IRS1: variants seen among roughly 807,000 people sequenced by gnomAD.
IRS1 encodes the protein insulin receptor substrate 1.
Under a neutral mutation model 65.6 loss-of-function variants are expected in IRS1, and 34 were observed. That is an observed-to-expected ratio of 0.52 (90% CI 0.39 to 0.69). The LOEUF (loss-of-function observed/expected upper bound fraction) is 0.69, where lower values mean the gene tolerates loss of function less well. Ranked by LOEUF, IRS1 falls within the 30% of genes least tolerant of loss-of-function variation. The pLI is 0.00. For synonymous variants in IRS1, 699 were observed against 683.5 expected (o/e 1.02, Z -0.35); for missense variants, 1,641 against 1,720.2 (o/e 0.95, Z 0.81).
chr2:226,783,324 T>C (rs771440827), intron 1 of IRS1, among the ~76,000 whole-genome samples: 3 of 152,248 alleles, frequency 2.0e-5, no homozygotes, highest in Non-Finnish European at 4.4e-5. Flanking sequence ...CATTATGTAT[T>C]TTCTGAAATC....
chr2:226,799,246 A>G lies in IRS1; in HGVS notation c.-508T>C. ...GGGGGAGGCGGGTTGCCAAGTCCCA[A>G]CGTTGCACGGGGTTCTCCCTCCTCC... On this transcript the variant is annotated 5_prime_UTR_variant, in exon 1 of 2. Transcript: ENST00000305123. This position sits in a 1 kb window ranked among gnomAD's most constrained non-coding sequence, Gnocchi z 6.1. The G allele has an allele frequency of 8.9e-7, 1 of 1,128,092 alleles. No individual in the cohort carries two copies. Among genetic ancestry groups the G allele is most frequent in the Non-Finnish European group, 1.1e-6 (1 of 903,038 alleles). The allele number at this position is 1,128,092 out of a possible 1,614,324, so 69.9% of individuals were successfully genotyped here. A position where few individuals can be genotyped will look rare whatever the true frequency, so the allele number is the denominator to read the frequency against.
intron 1 of IRS1, among the ~76,000 whole-genome samples, chr2:226,782,219 T>G (rs1263627108): frequency 6.6e-6 from 1 of 152,130 alleles, no homozygotes; most frequent in Non-Finnish European, 1.5e-5. Context: ...CTCTCCCTCT[T>G]GGCTCCCCTC....
intron 1 of IRS1, among the ~76,000 whole-genome samples, chr2:226,781,012 CA>C (rs910250471): frequency 1.3e-5 from 2 of 152,164 alleles, no homozygotes; most frequent in Admixed American, 1.3e-4. Context: ...AGCCTACTCT[CA>C]AATAGCTCAC....
Position 226,797,456 on chromosome 2 carries a change from G to C in IRS1, c.1283C>G (p.Ser428Trp), listed in dbSNP as rs770740222. Reference protein sequence around the residue: ...GSPSDGGFISSDEYGSSPCDF... With the variant: ...GSPSDGGFISWDEYGSSPCDF... ...GCAGGGACTGGAGCCATACTCATCC[G>C]AGGAGATGAAACCGCCATCGCTGGG... Residue 428 changes from serine (S) to tryptophan (W), a missense_variant, in exon 1 of 2, where the codon TCG (serine) becomes TGG (tryptophan). Ser to Trp is a radical substitution (Grantham distance 177, BLOSUM62 -3). This residue lies in a region of IRS1 where 1,324 missense variants were observed against 1,361.0 expected (regional missense o/e 0.97). Coordinates refer to ENST00000305123, the MANE Select transcript of IRS1 (RefSeq NM_005544.3). The surrounding 1 kb of genome is among the most constrained non-coding windows in gnomAD (Gnocchi z 8.1). 3.1e-6 allele frequency: 5 copies of C among 1,613,606 alleles called. No homozygotes were observed. The highest frequency in any genetic ancestry group is 3.4e-6 in the Non-Finnish European group (4 of 1,179,958).
rs145050860 is a variant in IRS1 at position 226,795,499 on chromosome 2, G to A, written c.3240C>T (p.Asn1080=). The change falls in exon 1 of 2, where the codon AAC becomes AAT. Residue 1080 remains asparagine, a synonymous_variant. Coordinates refer to ENST00000305123, the MANE Select transcript of IRS1 (RefSeq NM_005544.3). ...GGATCACTTTGGCACTCTGGTTGCG[G>A]TTAGGACTGAGGTTCACCCGGGTGA... ...SAFTRVNLSP[N]RNQSAKVIRA... is the part of the protein sequence containing the mutation. 1.9e-5 allele frequency: 31 copies of A among 1,613,496 alleles called. No individual in the cohort carries two copies. The highest frequency in any genetic ancestry group is 2.4e-5 in the Non-Finnish European group (28 of 1,180,018).
chr2:226,774,721 A>G (rs968299061), intron 1 of IRS1, among the ~76,000 whole-genome samples: 1 of 152,206 alleles, frequency 6.6e-6, no homozygotes, highest in Non-Finnish European at 1.5e-5. Context: ...AGGTAAATAA[A>G]CTATGTTTCA....
rs1938238822 is a variant in IRS1 at position 226,732,462 on chromosome 2, A to G, written c.*3810T>C. ...TTCCTCTCAAGTTTCTCACAAGCCT[A>G]TACATCTATATATATATATATATAT... On this transcript the variant is annotated 3_prime_UTR_variant, in exon 2 of 2. Transcript: ENST00000305123. 7.1e-6 allele frequency: 1 copy of G among 141,358 alleles called. No homozygotes were observed. The highest frequency in any genetic ancestry group is 1.5e-5 in the Non-Finnish European group (1 of 66,990). 8.8% of individuals were successfully genotyped at this position (141,358 alleles called of 1,614,324 possible). A position where few individuals can be genotyped will look rare whatever the true frequency, so the allele number is the denominator to read the frequency against.
chr2:226,744,405 C>T (rs1386024596), intron 1 of IRS1, among the ~76,000 whole-genome samples: 1 of 152,192 alleles, frequency 6.6e-6, no homozygotes, highest in African/African-American at 2.4e-5. Flanking sequence ...TAACAGAGGA[C>T]AATGCCACTC....
At position 226,798,708 on chromosome 2, in the gene IRS1, A is replaced by T; in HGVS notation, c.31T>A (p.Ser11Thr). The T allele has an allele frequency of 6.2e-7, 1 of 1,612,712 alleles. No individual in the cohort carries two copies. The highest frequency in any genetic ancestry group is 8.5e-7 in the Non-Finnish European group (1 of 1,179,810). The change falls in exon 1 of 2, where the codon TCG becomes ACG. Residue 11 changes from serine (S) to threonine (T), a missense_variant. Coordinates refer to ENST00000305123, the MANE Select transcript of IRS1 (RefSeq NM_005544.3). This position sits in a 1 kb window ranked among gnomAD's most constrained non-coding sequence, Gnocchi z 9.4. Reference protein sequence around the residue: MASPPESDGFSDVRKVGYLRK... With the variant: MASPPESDGFTDVRKVGYLRK... Reference sequence around the variant, plus strand: ...AGGTAGCCCACCTTGCGCACGTCCGAGAAGCCATCGCTCTCCGGAGGGCTC... The same window carrying T: ...AGGTAGCCCACCTTGCGCACGTCCGTGAAGCCATCGCTCTCCGGAGGGCTC...
chr2:226,748,412 G>C (rs1007150610), intron 1 of IRS1, among the ~76,000 whole-genome samples: 5 of 128,718 alleles, frequency 3.9e-5, no homozygotes, highest in Non-Finnish European at 6.3e-5. Flanking sequence ...CTGGGAAACA[G>C]AGCGAGACTC....
intron 1 of IRS1, among the ~76,000 whole-genome samples, chr2:226,743,204 A>G (rs1938474619): frequency 6.6e-6 from 1 of 151,694 alleles, no homozygotes; most frequent in Non-Finnish European, 1.5e-5. Flanking sequence ...TTCAAGTCAG[A>G]CCACACGTAC....
At chr2:226,770,107 T>C (rs780118185) in intron 1 of IRS1, among the ~76,000 whole-genome samples, 47 of 152,182 alleles carry the variant, frequency 3.1e-4, no homozygotes, top group Middle Eastern at 3.2e-3. Flanking sequence ...AGGCAATTGA[T>C]TACCAGTGTT....
chr2:226,772,806 C>A (rs1212636714), intron 1 of IRS1, among the ~76,000 whole-genome samples: 1 of 151,976 alleles, frequency 6.6e-6, no homozygotes, highest in Admixed American at 6.5e-5. Flanking sequence ...ACACAGGAAG[C>A]AGTAAGTTAC....
intron 1 of IRS1, among the ~76,000 whole-genome samples, chr2:226,770,193 C>T (rs1033493993): frequency 6.6e-6 from 1 of 152,192 alleles, no homozygotes; most frequent in Non-Finnish European, 1.5e-5. Context: ...AACAAGCTAC[C>T]TTTTAAAGCC....
chr2:226,741,604 A>C, intron 1 of IRS1, among the ~76,000 whole-genome samples: 1 of 152,032 alleles, frequency 6.6e-6, no homozygotes, highest in East Asian at 1.9e-4. Flanking sequence ...CCTATTTCAC[A>C]CAATTACATT....
chr2:226,766,146 TA>T (rs1574650790), intron 1 of IRS1, among the ~76,000 whole-genome samples: 39 of 6,532 alleles, frequency 6.0e-3, no homozygotes, highest in African/African-American at 8.9e-3. Flanking sequence ...TATATATATA[TA>T]TATATATATA....
Position 226,796,611 on chromosome 2 carries a change from C to A in IRS1, c.2128G>T (p.Val710Phe). The stretch of plus-strand genomic sequence containing the variant: ...ACTGGGGGTTTGGGGTGAGGCAAGA[C>A]ATGAGAGTGGTGGCCCCCTACCCCG... Reference protein sequence around the residue: ...TNGVGGHHSHVLPHPKPPVES... With the variant: ...TNGVGGHHSHFLPHPKPPVES... The change falls in exon 1 of 2, where the codon GTC becomes TTC. Residue 710 changes from valine (V) to phenylalanine (F), a missense_variant. Around this residue, in one of 3 missense-constraint regions of IRS1, gnomAD observed 1,324 missense variants for 1,361.0 expected, o/e 0.97. Transcript: ENST00000305123. 6.2e-7 allele frequency: 1 copy of A among 1,614,026 alleles called. No individual in the cohort carries two copies. The highest frequency in any genetic ancestry group is 8.5e-7 in the Non-Finnish European group (1 of 1,179,928).
chr2:226,747,594 A>C (rs1938573541), intron 1 of IRS1, among the ~76,000 whole-genome samples: 1 of 152,156 alleles, frequency 6.6e-6, no homozygotes. Flanking sequence ...ATAACAGCCC[A>C]AACTAAGACA....
At chr2:226,768,628 GA>G in intron 1 of IRS1, among the ~76,000 whole-genome samples, 1 of 152,112 alleles carries the variant, frequency 6.6e-6, no homozygotes, top group East Asian at 1.9e-4. Flanking sequence ...AAATTCATGT[GA>G]AACTAGGTTC....
Sources: allele counts gnomAD v4.1 joint callset (sites outside exome capture counted in the v4.1 genomes callset), GRCh38; gene constraint gnomAD v4.1.1; regional missense constraint gnomAD v4.1.1; non-coding constraint Gnocchi (gnomAD v3.1); transcripts MANE v1.5; gene names NCBI Gene and HGNC (gene_info 2026-07-23, HGNC 2026-07-21).